The following FRYL variants were observed in gnomAD, a reference collection of about 807,000 sequenced individuals.
FRYL encodes protein furry homolog-like.
A neutral mutation model predicts 351.2 loss-of-function variants in FRYL; 150 were observed. The ratio of observed to expected loss-of-function variants is 0.43; its 90% confidence interval spans 0.37 to 0.49. The LOEUF (loss-of-function observed/expected upper bound fraction) is 0.49, where lower values mean the gene tolerates loss of function less well. Ranked by LOEUF, FRYL falls within the 20% of genes least tolerant of loss-of-function variation. The probability of loss-of-function intolerance (pLI) is 0.00; values close to 1 mark genes in which losing one functional copy is unlikely to be tolerated. For synonymous variants in FRYL, 1,153 were observed against 1,257.1 expected, an observed-to-expected ratio of 0.92 and a Z score of 1.75; for missense variants, 3,036 against 3,619.3, an observed-to-expected ratio of 0.84 and a Z score of 4.13.
rs1578447555 is a variant in FRYL at position 48,634,271 on chromosome 4, TA to T, written c.120+19del. On this transcript the variant is annotated intron_variant, in intron 4 of 63. Coordinates refer to ENST00000358350, the MANE Select transcript of FRYL (RefSeq NM_015030.2). ...AAAAGTCAAGAAAATATTTCAGATT[TA>T]TAGGTCAGCTGTACTCACCAAGGGT... The T allele has an allele frequency of 6.4e-7, 1 of 1,571,064 alleles. No individual in the cohort carries two copies.
Position 48,522,918 on chromosome 4 carries a change from G to A in FRYL, c.7504C>T (p.Leu2502Phe). 1 of 1,613,310 alleles carries A rather than the reference G, an allele frequency of 6.2e-7. No homozygotes were observed. The highest frequency in any genetic ancestry group is 1.1e-5 in the South Asian group (1 of 91,074). ...TTGTATACCATCTGTGTGCGTGAGAGTATCTGGCTTGCTGTAAGTGCCGCT... is the reference window on the plus strand; with the variant it reads ...TTGTATACCATCTGTGTGCGTGAGAATATCTGGCTTGCTGTAAGTGCCGCT... ...EEAALTASQI[L>F]SRTQMLNSDS... The change falls in exon 54 of 64, where the codon CTC becomes TTC. Residue 2502 changes from leucine (L) to phenylalanine (F), a missense_variant. Physicochemically the swap from Leu to Phe is conservative, Grantham distance 22 (BLOSUM62 0). Coordinates refer to ENST00000358350, the MANE Select transcript of FRYL (RefSeq NM_015030.2).
intron 2 of FRYL, among the ~76,000 whole-genome samples, chr4:48,689,217 T>C (rs1019560070): frequency 6.6e-6 from 1 of 152,222 alleles, no homozygotes; most frequent in Non-Finnish European, 1.5e-5. Context: ...TTACTTGATC[T>C]AATGAAAACA....
chr4:48,548,903 C>A (rs1732052682), intron 39 of FRYL, 110 bp from the exon 40 acceptor site: 5 of 617,232 alleles, frequency 8.1e-6, no homozygotes, highest in South Asian at 2.3e-5. Flanking sequence ...TGGAAAAATA[C>A]AACTTATCAA....
intron 2 of FRYL, among the ~76,000 whole-genome samples, chr4:48,694,886 A>G (rs2149565080): frequency 6.6e-6 from 1 of 152,238 alleles, no homozygotes; most frequent in East Asian, 1.9e-4. Context: ...AGCCTGGGCA[A>G]CATAGTGAAA....
intron 13 of FRYL, among the ~76,000 whole-genome samples, chr4:48,598,104 C>A (rs1744976858): frequency 6.6e-6 from 1 of 152,094 alleles, no homozygotes; most frequent in African/African-American, 2.4e-5. Context: ...TGTTTAAAAC[C>A]AAAATCAGTA....
chr4:48,773,453 GC>G (rs778584437), intron 1 of FRYL, among the ~76,000 whole-genome samples: 13 of 152,058 alleles, frequency 8.5e-5, no homozygotes, highest in Admixed American at 2.0e-4. Flanking sequence ...TTAAAGTATT[GC>G]CCTTTATTTG....
chr4:48,498,444 A>T lies in FRYL; in HGVS notation c.*978T>A, dbSNP rs998641249. The T allele has an allele frequency of 2.6e-5, 4 of 152,614 alleles. No homozygotes were observed. Among genetic ancestry groups the T allele is most frequent in the Admixed American group, 1.3e-4 (2 of 15,282 alleles). 9.5% of individuals were successfully genotyped at this position (152,614 alleles called of 1,614,324 possible). On this transcript the variant is annotated 3_prime_UTR_variant, in exon 64 of 64. Coordinates refer to ENST00000358350, the MANE Select transcript of FRYL (RefSeq NM_015030.2). The stretch of plus-strand genomic sequence containing the variant: ...ACTGGTTTTAGTCTCTACAGTTTCT[A>T]TATGGAGTAAAATAAGTTAAAACTT...
intron 1 of FRYL, among the ~76,000 whole-genome samples, chr4:48,744,644 A>G (rs1399441105): frequency 2.0e-5 from 3 of 152,230 alleles, no homozygotes; most frequent in Admixed American, 6.5e-5. Context: ...GAAATGTCTC[A>G]GTTAACAGTG....
At chr4:48,748,448 T>G (rs1280860323) in intron 1 of FRYL, among the ~76,000 whole-genome samples, 1 of 152,146 alleles carries the variant, frequency 6.6e-6, no homozygotes, top group Non-Finnish European at 1.5e-5. Context: ...AAAGTGCAGG[T>G]TGGCATCTGG....
At chr4:48,739,326 G>T (rs1243198851) in intron 1 of FRYL, among the ~76,000 whole-genome samples, 1 of 151,648 alleles carries the variant, frequency 6.6e-6, no homozygotes, top group Non-Finnish European at 1.5e-5. Flanking sequence ...GCCTGAACCT[G>T]GGAGGAGGAG....
chr4:48,693,062 T>C (rs1392631145), intron 2 of FRYL, among the ~76,000 whole-genome samples: 2 of 152,206 alleles, frequency 1.3e-5, no homozygotes, highest in Non-Finnish European at 2.9e-5. Context: ...TGCAGACACA[T>C]ACTGCCTGTT....
chr4:48,650,908 G>A (rs1389621143), intron 3 of FRYL, among the ~76,000 whole-genome samples: 2 of 152,176 alleles, frequency 1.3e-5, no homozygotes, highest in African/African-American at 2.4e-5. Context: ...GCAAGCTGTG[G>A]TCAAGGACCG....
chr4:48,535,875 G>A (rs1285102670), intron 47 of FRYL, 48 bp from the exon 48 acceptor site: 2 of 1,318,884 alleles, frequency 1.5e-6, no homozygotes, highest in South Asian at 2.1e-5. Flanking sequence ...AAAGACACAA[G>A]TTTAACTTGA....
intron 56 of FRYL, among the ~76,000 whole-genome samples, chr4:48,514,082 T>TA (rs909293512): frequency 4.6e-5 from 7 of 151,836 alleles, no homozygotes; most frequent in East Asian, 1.9e-4. Flanking sequence ...ATGTTGATGG[T>TA]AAAAAAAAAT....
At chr4:48,540,099 C>G in intron 46 of FRYL, 31 bp from the exon 47 acceptor site, 1 of 1,494,530 alleles carries the variant, frequency 6.7e-7, no homozygotes, top group South Asian at 1.2e-5. Flanking sequence ...AAACAATAAC[C>G]AATTTTATTG....
chr4:48,613,624 C>A (rs1175515992), intron 7 of FRYL, among the ~76,000 whole-genome samples: 1 of 152,140 alleles, frequency 6.6e-6, no homozygotes, highest in Non-Finnish European at 1.5e-5. Flanking sequence ...CTGTGTACTT[C>A]TCTAGAATAT....
In FRYL at chr4:48,589,875, T is replaced by C. The variant is rs763787909; in HGVS notation, c.1510A>G (p.Met504Val). The C allele has an allele frequency of 1.1e-5, 18 of 1,608,882 alleles. No homozygotes were observed. Among genetic ancestry groups the C allele is most frequent in the Non-Finnish European group, 1.4e-5 (16 of 1,177,408 alleles). The part of the protein sequence containing the change: ...LTDEEAKVIG[M>V]SVYYPQVRKA... ...CTTACTTGAGGATAGTAAACTGACATTCCTAGGGGAAAAAACTTCACAGTT... is the reference window on the plus strand; with the variant it reads ...CTTACTTGAGGATAGTAAACTGACACTCCTAGGGGAAAAAACTTCACAGTT... Residue 504 changes from methionine to valine, a missense_variant and splice_region_variant, in exon 18 of 64, where the codon ATG becomes GTG. Met to Val is a conservative substitution (Grantham distance 21). Transcript: ENST00000358350.
intron 2 of FRYL, among the ~76,000 whole-genome samples, chr4:48,689,454 T>C (rs1765483788): frequency 6.6e-6 from 1 of 152,216 alleles, no homozygotes; most frequent in Non-Finnish European, 1.5e-5. Context: ...TAGAGTTAAG[T>C]ACCAAGAGAA....
At chr4:48,695,019 G>GC (rs1766022633) in intron 2 of FRYL, among the ~76,000 whole-genome samples, 1 of 152,164 alleles carries the variant, frequency 6.6e-6, no homozygotes, top group South Asian at 2.1e-4. Context: ...CAGTGACTGT[G>GC]CCCCTGCACT....
Sources: gnomAD v4.1 joint callset for allele counts (sites outside exome capture counted in the v4.1 genomes callset) on GRCh38, gnomAD v4.1.1 for gene constraint, MANE v1.5 for transcripts, NCBI Gene and HGNC (gene_info 2026-07-23, HGNC 2026-07-21) for gene names.